The following PARP4 variants were observed in gnomAD, a reference collection of about 807,000 sequenced individuals.
PARP4 encodes the protein protein mono-ADP-ribosyltransferase PARP4.
A neutral mutation model predicts 187.7 loss-of-function variants in PARP4; 120 were observed. That is an observed-to-expected ratio of 0.64 (90% CI 0.55 to 0.74). The LOEUF (loss-of-function observed/expected upper bound fraction) is 0.74. PARP4 is among the 30% of genes least tolerant of loss of function. The pLI is 0.00. For synonymous variants in PARP4, 654 were observed against 740.9 expected (o/e 0.88, Z 1.90); for missense variants, 1,836 against 2,070.5 (o/e 0.89, Z 2.20).
At chr13:24,511,214 C>G (rs1870003377) in intron 1 of PARP4, among the ~76,000 whole-genome samples, 1 of 152,156 alleles carries the variant, frequency 6.6e-6, no homozygotes, top group African/African-American at 2.4e-5. Context: ...TCTCTCTTTC[C>G]ACAGATTCAT....
intron 27 of PARP4, among the ~76,000 whole-genome samples, chr13:24,446,115 T>C (rs1871194972): frequency 6.6e-6 from 1 of 152,228 alleles, no homozygotes; most frequent in Non-Finnish European, 1.5e-5. Flanking sequence ...TTATTATAAC[T>C]AGTATTTCTA....
intron 15 of PARP4, among the ~76,000 whole-genome samples, chr13:24,472,394 G>A (rs1872763425): frequency 6.6e-6 from 1 of 152,132 alleles, no homozygotes; most frequent in African/African-American, 2.4e-5. Context: ...GTGGGCCCAG[G>A]GGTGGAGGTC....
chr13:24,471,038 G>A (rs548319398), intron 15 of PARP4, among the ~76,000 whole-genome samples: 1 of 152,302 alleles, frequency 6.6e-6, no homozygotes, highest in African/African-American at 2.4e-5. Context: ...GTTTCTCAGC[G>A]ATCTGGGCTA....
At chr13:24,489,191 G>A (rs532135073) in intron 10 of PARP4, among the ~76,000 whole-genome samples, 35 of 152,182 alleles carry the variant, frequency 2.3e-4, no homozygotes, top group South Asian at 6.2e-4. Context: ...GGGTCTTATC[G>A]TAATCAAGTT....
chr13:24,499,104 G>A (rs972441579), intron 5 of PARP4, among the ~76,000 whole-genome samples, 197 bp downstream of exon 5: 34 of 152,024 alleles, frequency 2.2e-4, no homozygotes, highest in African/African-American at 8.2e-4. Flanking sequence ...TTCGAGACCA[G>A]CAAAATAGTG....
intron 15 of PARP4, 117 bp downstream of exon 15, chr13:24,475,355 A>C: frequency 9.7e-7 from 1 of 1,028,048 alleles, no homozygotes; most frequent in Non-Finnish European, 1.5e-6. Flanking sequence ...ATATCTCTTG[A>C]ATAAAATACA....
intron 33 of PARP4, among the ~76,000 whole-genome samples, chr13:24,423,860 T>A (rs1444547200): frequency 6.6e-6 from 1 of 152,032 alleles, no homozygotes; most frequent in African/African-American, 2.4e-5. Flanking sequence ...GGAGACAGGG[T>A]CTTGCTATGT....
chr13:24,454,092 G>C (rs1871684710), intron 22 of PARP4, among the ~76,000 whole-genome samples: 1 of 140,506 alleles, frequency 7.1e-6, no homozygotes, highest in Non-Finnish European at 1.5e-5. Flanking sequence ...GCGAGACTCT[G>C]TCTCAAAAAA....
chr13:24,492,471 G>A lies in PARP4; in HGVS notation c.1003C>T (p.Pro335Ser), dbSNP rs779944038. The A allele has an allele frequency of 6.2e-7, 1 of 1,613,784 alleles. No individual in the cohort carries two copies. Among genetic ancestry groups the A allele is most frequent in the Admixed American group, 1.7e-5 (1 of 59,998 alleles). Reference sequence around the variant, plus strand: ...AATAGTCCCAGGTTCACTTCTTTGGGCATTGTGCCTTTGTGAGGTATCAGT... The same window carrying A: ...AATAGTCCCAGGTTCACTTCTTTGGACATTGTGCCTTTGTGAGGTATCAGT... ...YRLIPHKGTMPKEVNLGLLAK... is the reference protein window; with the variant it reads ...YRLIPHKGTMSKEVNLGLLAK... The change falls in exon 9 of 34, where the codon CCC (proline) becomes TCC (serine). Residue 335 changes from proline (P) to serine (S), a missense_variant. Pro to Ser is a moderately conservative substitution (Grantham distance 74). This residue lies in a region of PARP4 where 1,147 missense variants were observed against 1,214.2 expected (regional missense o/e 0.94). Coordinates refer to ENST00000381989, the MANE Select transcript of PARP4 (RefSeq NM_006437.4).
At chr13:24,431,618 C>T (rs1214391151) in intron 31 of PARP4, 142 bp from the exon 32 acceptor site, 1 of 631,126 alleles carries the variant, frequency 1.6e-6, no homozygotes, top group East Asian at 2.9e-5. Flanking sequence ...AAGCCCAAAC[C>T]TCAGCACCAC....
chr13:24,471,004 G>A (rs1251889297), intron 15 of PARP4, among the ~76,000 whole-genome samples: 1 of 152,176 alleles, frequency 6.6e-6, no homozygotes, highest in Admixed American at 6.5e-5. Flanking sequence ...AGCCACCCAA[G>A]AGGAGGCAAA....
intron 1 of PARP4, among the ~76,000 whole-genome samples, chr13:24,504,307 CTTTTTT>C (rs11434017): frequency 4.7e-4 from 41 of 87,366 alleles, no homozygotes; most frequent in Admixed American, 2.8e-3. Flanking sequence ...CATTTAGGTT[CTTTTTT>C]TTTTTTTTTT....
chr13:24,425,922 C>T (rs1870027191), intron 33 of PARP4, among the ~76,000 whole-genome samples: 1 of 152,006 alleles, frequency 6.6e-6, no homozygotes, highest in Non-Finnish European at 1.5e-5. Flanking sequence ...TCTTAGGGTG[C>T]TGGGGGTCAA....
At chr13:24,471,740 A>G (rs1872736128) in intron 15 of PARP4, among the ~76,000 whole-genome samples, 1 of 152,186 alleles carries the variant, frequency 6.6e-6, no homozygotes, top group Non-Finnish European at 1.5e-5. Context: ...CGGGTTTGAA[A>G]TATCAAATGG....
intron 10 of PARP4, among the ~76,000 whole-genome samples, chr13:24,487,253 C>T (rs1188214975): frequency 4.1e-5 from 5 of 122,182 alleles, no homozygotes; most frequent in South Asian, 3.1e-4. Context: ...AGCAAGGCTC[C>T]GTCAAAAAAA....
At chr13:24,506,605 A>G (rs1195536824) in intron 1 of PARP4, among the ~76,000 whole-genome samples, 4 of 152,134 alleles carry the variant, frequency 2.6e-5, no homozygotes, top group Admixed American at 6.5e-5. Context: ...TGATTGGTGC[A>G]TTTACAAACC....
chr13:24,452,736 C>G (rs1468266865), intron 23 of PARP4, 143 bp from the exon 24 acceptor site: 1 of 615,302 alleles, frequency 1.6e-6, no homozygotes, highest in Non-Finnish European at 2.8e-6. Flanking sequence ...AACAACTAAA[C>G]TTATGTCCTT....
In PARP4 at chr13:24,500,348, G is replaced by A; in HGVS notation, c.369C>T (p.Ala123=). The change falls in exon 4 of 34, where the codon GCC becomes GCT. Residue 123 remains alanine (A), a synonymous_variant. Coordinates refer to ENST00000381989, the MANE Select transcript of PARP4 (RefSeq NM_006437.4). The stretch of plus-strand genomic sequence containing the variant: ...GTTCCACAGTGTCTTCCTCCTCTGT[G>A]GCACTGTCCGGGCATAGACCTTCTG... ...VKTEGLCPDS[A]TEEEDTVELT... is the part of the protein sequence containing the mutation. 1 of 1,604,884 alleles carries A rather than the reference G, an allele frequency of 6.2e-7. No homozygotes were observed. The highest frequency in any genetic ancestry group is 8.5e-7 in the Non-Finnish European group (1 of 1,174,766).
chr13:24,460,475 C>CTCTGCTGCATGGGTGGGCTCTGCTGCAT (rs1566001767), intron 17 of PARP4, among the ~76,000 whole-genome samples: 8 of 126,534 alleles, frequency 6.3e-5, no homozygotes, highest in Admixed American at 1.5e-4. Context: ...CTCTGCTGCA[C>CTCTGCTGCATGGGTGGGCTCTGCTGCAT]GGGTGGGCTC....
Sources: allele counts gnomAD v4.1 joint callset (sites outside exome capture counted in the v4.1 genomes callset), GRCh38; gene constraint gnomAD v4.1.1; regional missense constraint gnomAD v4.1.1; transcripts MANE v1.5; gene names NCBI Gene and HGNC (gene_info 2026-07-23, HGNC 2026-07-21).